The following CHD8 variants were observed in gnomAD, a reference collection of about 807,000 sequenced individuals.
CHD8 encodes the protein chromodomain helicase DNA binding protein 8.
Under a neutral mutation model 279.2 loss-of-function variants are expected in CHD8, and 31 were observed. The ratio of observed to expected loss-of-function variants is 0.11; its 90% confidence interval spans 0.08 to 0.15. The LOEUF (loss-of-function observed/expected upper bound fraction) is 0.15. CHD8 is among the 10% of genes least tolerant of loss of function. The pLI, the probability that CHD8 is intolerant of heterozygous loss-of-function variation, is 1.00. For missense variants in CHD8, 2,146 were observed against 3,230.5 expected (o/e 0.66, Z 8.14); for synonymous variants, 1,081 against 1,139.6 (o/e 0.95, Z 1.04).
intron 25 of CHD8, 112 bp from the exon 26 acceptor site, chr14:21,399,817 C>T (rs991192952): frequency 3.2e-6 from 3 of 934,732 alleles, no homozygotes; most frequent in Non-Finnish European, 5.2e-6. Flanking sequence ...AATACTCATG[C>T]ATCTACCCTA....
intron 7 of CHD8, 97 bp from the exon 8 acceptor site, chr14:21,415,090 T>A: frequency 1.3e-6 from 1 of 761,232 alleles, no homozygotes; most frequent in Non-Finnish European, 2.2e-6. Context: ...ATACCAATAA[T>A]CTCTGAATAT....
chr14:21,414,926 C>T lies in CHD8; in HGVS notation c.2024+12G>A, dbSNP rs1938562412. The T allele has an allele frequency of 1.3e-6, 2 of 1,597,526 alleles. No homozygotes were observed. Among genetic ancestry groups the T allele is most frequent in the Non-Finnish European group, 1.7e-6 (2 of 1,170,296 alleles). Reference sequence around the variant, plus strand: ...AATTTGGGGTGACAAGCTTTTTGCACAGATCACGTACTAGTTCTTGTACTT... The same window carrying T: ...AATTTGGGGTGACAAGCTTTTTGCATAGATCACGTACTAGTTCTTGTACTT... On this transcript the variant is annotated intron_variant, in intron 8 of 37. Coordinates refer to ENST00000646647, the MANE Select transcript of CHD8 (RefSeq NM_001170629.2).
intron 1 of CHD8, among the ~76,000 whole-genome samples, chr14:21,447,120 T>C (rs993143188): frequency 6.6e-5 from 10 of 152,236 alleles, no homozygotes; most frequent in African/African-American, 2.4e-4. Flanking sequence ...AGTAGCACAG[T>C]TTCCTACCAG....
chr14:21,441,654 C>T (rs559702660), intron 1 of CHD8, among the ~76,000 whole-genome samples: 202 of 151,442 alleles, frequency 1.3e-3, no homozygotes, highest in Non-Finnish European at 2.3e-3. Context: ...TTTGGGAGGC[C>T]AAGGCGGGCA....
intron 8 of CHD8, 59 bp downstream of exon 8, chr14:21,414,879 A>G (rs1888648825): frequency 1.5e-6 from 2 of 1,311,482 alleles, no homozygotes; most frequent in East Asian, 4.8e-5. Context: ...GATACCCAGG[A>G]GAACTTTTTA....
intron 2 of CHD8, 110 bp from the exon 3 acceptor site, chr14:21,429,445 G>A (rs746730834): frequency 9.2e-7 from 1 of 1,092,502 alleles, no homozygotes; most frequent in Admixed American, 1.7e-5. Flanking sequence ...CAGGTCAGAA[G>A]ACACAGTACA....
chr14:21,450,642 A>G (rs1487880980), intron 1 of CHD8, among the ~76,000 whole-genome samples: 1 of 152,024 alleles, frequency 6.6e-6, no homozygotes, highest in Non-Finnish European at 1.5e-5. Flanking sequence ...TAACAAACAC[A>G]GTAAGATCCT....
intron 5 of CHD8, among the ~76,000 whole-genome samples, chr14:21,418,511 C>G (rs1383038641): frequency 6.8e-6 from 1 of 146,302 alleles, no homozygotes; most frequent in African/African-American, 2.6e-5. Context: ...GAGTGAGACC[C>G]TGTCTCAAAA....
In CHD8 at chr14:21,404,821, A is replaced by G. The variant is rs933166204; in HGVS notation, c.3307+388T>C. ...AAAGAACTACAGAAAAACATTCCAA[A>G]TAAGAATTGTTTTTATTTACTTTAT... On this transcript the variant is annotated intron_variant, in intron 16 of 37. Transcript: ENST00000646647. 2.8e-5 allele frequency: 5 copies of G among 176,846 alleles called. No individual in the cohort carries two copies. In the Admixed American group the frequency reaches 2.8e-4, roughly 10 times the overall value. The allele number at this position is 176,846 out of a possible 1,614,324, so 11.0% of individuals were successfully genotyped here. A position where few individuals can be genotyped will look rare whatever the true frequency, so the allele number is the denominator to read the frequency against.
intron 1 of CHD8, among the ~76,000 whole-genome samples, chr14:21,442,206 T>A (rs1889994214): frequency 6.6e-6 from 1 of 152,104 alleles, no homozygotes; most frequent in Non-Finnish European, 1.5e-5. Flanking sequence ...CAGTGGCTCA[T>A]GCCTGTAATC....
At position 21,431,763 on chromosome 14, in the gene CHD8, TCTTC is replaced by T. The variant is rs1889574367; in HGVS notation, c.-124_-121del. On this transcript the variant is annotated 5_prime_UTR_variant, in exon 2 of 38. The change abolishes the stop of an existing upstream ORF in the 5' untranslated region. Coordinates refer to ENST00000646647, the MANE Select transcript of CHD8 (RefSeq NM_001170629.2). ...AATGTACACAATGTAAGAGGACTAC[TCTTC>T]AAGTATAGAGGCAAGAAACAAGTGC... 7 of 1,613,202 alleles carry T rather than the reference TCTTC, an allele frequency of 4.3e-6. No homozygotes were observed. Among genetic ancestry groups the T allele is most frequent in the Non-Finnish European group, 5.9e-6 (7 of 1,179,352 alleles).
chr14:21,431,341 G>A lies in CHD8; in HGVS notation c.303C>T (p.Ser101=), dbSNP rs1260543261. Residue 101 remains serine (S), a synonymous_variant, in exon 2 of 38, where the codon AGC becomes AGT. Coordinates refer to ENST00000646647, the MANE Select transcript of CHD8 (RefSeq NM_001170629.2). ...TLHDYTTQPA[S]QEQPAQPVLQ... ...AGACAGGTTGGGCTGGCTGCTCCTG[G>A]CTGGCAGGCTGAGTGGTATAATCAT... 4 of 1,538,980 alleles carry A rather than the reference G, an allele frequency of 2.6e-6. No homozygotes were observed. Among genetic ancestry groups the A allele is most frequent in the African/African-American group, 2.7e-5 (2 of 73,156 alleles).
chr14:21,446,846 T>C (rs945377791), intron 1 of CHD8, among the ~76,000 whole-genome samples: 1 of 152,222 alleles, frequency 6.6e-6, no homozygotes, highest in Admixed American at 6.5e-5. Flanking sequence ...GTACTTCTCC[T>C]TTGTTGTAAA....
chr14:21,451,288 G>A (rs139936334), intron 1 of CHD8, among the ~76,000 whole-genome samples: 20 of 152,014 alleles, frequency 1.3e-4, no homozygotes, highest in Middle Eastern at 3.4e-3. Flanking sequence ...AGTAATTATC[G>A]GCTGGGTGCG....
At chr14:21,455,857 AAAG>A (rs1890376553) in intron 1 of CHD8, among the ~76,000 whole-genome samples, 172 bp downstream of exon 1, 1 of 152,004 alleles carries the variant, frequency 6.6e-6, no homozygotes, top group East Asian at 2.0e-4. Flanking sequence ...GGCCTCTCAC[AAAG>A]GAGACTGGTT....
intron 37 of CHD8, among the ~76,000 whole-genome samples, chr14:21,390,364 TTCTC>T (rs1887471481): frequency 6.6e-6 from 1 of 152,234 alleles, no homozygotes; most frequent in Non-Finnish European, 1.5e-5. Context: ...GATCTGAATG[TTCTC>T]TCTAACCCAT....
chr14:21,387,573 G>GCGGTGAGCAGAGATCA, intron 37 of CHD8, among the ~76,000 whole-genome samples: 1 of 151,380 alleles, frequency 6.6e-6, no homozygotes, highest in Non-Finnish European at 1.5e-5. Context: ...GGCGGAGATC[G>GCGGTGAGCAGAGATCA]CGGTGAGCAG....
chr14:21,431,649 G>A lies in CHD8; in HGVS notation c.-6C>T. 6.5e-7 allele frequency: 1 copy of A among 1,542,200 alleles called. No individual in the cohort carries two copies. Among genetic ancestry groups the A allele is most frequent in the Non-Finnish European group, 8.7e-7 (1 of 1,146,028 alleles). On this transcript the variant is annotated 5_prime_UTR_variant, in exon 2 of 38. Transcript: ENST00000646647. The stretch of plus-strand genomic sequence containing the variant: ...TCCATGATGGGGTCTGCCATCTTGG[G>A]AAAGTAATGGAGGGTACTTCTCCAA...
chr14:21,408,122 A>T lies in CHD8; in HGVS notation c.2730+190T>A, dbSNP rs1479954784. ...CTACCAGATCAAATGTCTACTAGGT[A>T]AAAAAAATAGCAAAGTCAAAAAAAT... On this transcript the variant is annotated intron_variant, in intron 13 of 37. Transcript: ENST00000646647. This position sits in a 1 kb window ranked among gnomAD's most constrained non-coding sequence, Gnocchi z 4.3. Among the ~76,000 whole-genome samples, 2 of 151,892 alleles carry T rather than the reference A, an allele frequency of 1.3e-5. No individual in the cohort carries two copies. The highest frequency in any genetic ancestry group is 2.9e-5 in the Non-Finnish European group (2 of 67,972).
Sources: gnomAD v4.1 joint callset for allele counts (sites outside exome capture counted in the v4.1 genomes callset) on GRCh38, gnomAD v4.1.1 for gene constraint, Gnocchi (gnomAD v3.1) non-coding constraint, MANE v1.5 for transcripts, NCBI Gene and HGNC (gene_info 2026-07-23, HGNC 2026-07-21) for gene names.